The following ARHGEF6 variants were observed in gnomAD, a reference collection of about 807,000 sequenced individuals.
The protein encoded by ARHGEF6 is rho guanine nucleotide exchange factor 6.
A neutral mutation model predicts 70.3 loss-of-function variants in ARHGEF6; 9 were observed. The observed-to-expected ratio is 0.13, with a 90% confidence interval of 0.08 to 0.22. ARHGEF6 has a LOEUF of 0.22. Among genes scored for constraint, ARHGEF6 ranks in the 10% least tolerant of loss-of-function variants. The pLI, the probability that ARHGEF6 is intolerant of heterozygous loss-of-function variation, is 1.00. For missense variants in ARHGEF6, 470 were observed against 563.0 expected, an observed-to-expected ratio of 0.83 and a Z score of 1.67; for synonymous variants, 201 against 207.8, an observed-to-expected ratio of 0.97 and a Z score of 0.28.
Position 136,741,525 on chromosome X carries a change from CT to C in ARHGEF6, c.661+2059del, listed in dbSNP as rs151204948. On this transcript the variant is annotated intron_variant, in intron 5 of 21. Transcript: ENST00000250617. ...AAAAGTTATACATGGATTTTCTTTTCTTTTTTTTTTTTTGTGTGTGTGTGTG... is the reference window on the plus strand; with the variant it reads ...AAAAGTTATACATGGATTTTCTTTTCTTTTTTTTTTTTGTGTGTGTGTGTG... Among the ~76,000 whole-genome samples the C allele has an allele frequency of 2.9e-3, 281 of 96,185 alleles. 1 individual carries two copies. The highest frequency in any genetic ancestry group is 9.7e-3 in the South Asian group (21 of 2,173). The allele number at this position is 96,185 out of a possible 115,157, so 83.5% of individuals were successfully genotyped here.
chrX:136,668,213 C>T, intron 21 of ARHGEF6, 44 bp from the exon 22 acceptor site: 1 of 1,201,567 alleles, frequency 8.3e-7, no homozygotes, highest in Non-Finnish European at 1.1e-6. Context: ...AGAGGGGGGC[C>T]CTTCCAAGGG....
chrX:136,670,967 G>A (rs1382258997), intron 20 of ARHGEF6, among the ~76,000 whole-genome samples: 2 of 112,064 alleles, frequency 1.8e-5, no homozygotes, highest in South Asian at 3.8e-4. Context: ...CTGGGAACCA[G>A]TTTCCTTCTC....
Position 136,665,835 on chromosome X carries a change from C to T in ARHGEF6, c.*2194G>A, listed in dbSNP as rs1420588738. ...CATGGTTACCACTCTGCACAAGCTT[C>T]GTTATCCAGAGTACCGAGGGCCCCT... On this transcript the variant is annotated 3_prime_UTR_variant, in exon 22 of 22. Coordinates refer to ENST00000250617, the MANE Select transcript of ARHGEF6 (RefSeq NM_004840.3). The T allele has an allele frequency of 8.9e-6, 1 of 112,259 alleles. No individual in the cohort carries two copies. The highest frequency in any genetic ancestry group is 1.9e-5 in the Non-Finnish European group (1 of 53,185). 9.3% of individuals were successfully genotyped at this position (112,259 alleles called of 1,213,427 possible).
chrX:136,763,482 T>C (rs1166216742), intron 2 of ARHGEF6, among the ~76,000 whole-genome samples: 1 of 112,037 alleles, frequency 8.9e-6, no homozygotes, highest in East Asian at 2.8e-4. Flanking sequence ...AACAAACCCT[T>C]CCTAAGCACT....
intron 9 of ARHGEF6, among the ~76,000 whole-genome samples, chrX:136,696,460 T>C (rs2076511720): frequency 9.1e-6 from 1 of 109,501 alleles, no homozygotes. Flanking sequence ...CTCTATAATT[T>C]TTTTATAATT....
intron 2 of ARHGEF6, among the ~76,000 whole-genome samples, chrX:136,766,769 T>C (rs1352596863): frequency 1.8e-5 from 2 of 112,592 alleles, no homozygotes; most frequent in Non-Finnish European, 3.8e-5. Context: ...GCAGAAAACA[T>C]CTCCAAATGT....
intron 6 of ARHGEF6, among the ~76,000 whole-genome samples, chrX:136,714,184 A>C (rs980374365): frequency 9.8e-5 from 11 of 111,685 alleles, no homozygotes; most frequent in Admixed American, 3.8e-4. Flanking sequence ...TAGGCAAAAC[A>C]ACCAATATGG....
intron 5 of ARHGEF6, among the ~76,000 whole-genome samples, chrX:136,739,895 G>A (rs1408026032): frequency 4.5e-5 from 5 of 112,036 alleles, no homozygotes; most frequent in African/African-American, 1.6e-4. Flanking sequence ...AGAGATCAGA[G>A]AGGAAGCCAA....
chrX:136,670,423 T>G (rs2076212815), intron 20 of ARHGEF6, among the ~76,000 whole-genome samples: 1 of 111,671 alleles, frequency 9.0e-6, no homozygotes, highest in African/African-American at 3.3e-5. Context: ...GAATATCTTT[T>G]TGATCTGGGG....
chrX:136,744,081 C>T (rs767657783), intron 4 of ARHGEF6, among the ~76,000 whole-genome samples: 7 of 111,549 alleles, frequency 6.3e-5, no homozygotes, highest in South Asian at 3.8e-4. Context: ...TTTAACTAAG[C>T]CAGATAACAA....
chrX:136,741,288 C>T (rs770780866), intron 5 of ARHGEF6, among the ~76,000 whole-genome samples: 17 of 111,480 alleles, frequency 1.5e-4, no homozygotes, highest in African/African-American at 5.2e-4. Context: ...CCCATTTATA[C>T]GTGAAGACAA....
intron 7 of ARHGEF6, among the ~76,000 whole-genome samples, chrX:136,710,252 C>T (rs929806068): frequency 5.9e-5 from 6 of 101,193 alleles, no homozygotes; most frequent in Admixed American, 5.5e-4. Context: ...TGCAGTGAGC[C>T]GAGATCTCAC....
At chrX:136,678,160 A>G (rs2076298672) in intron 16 of ARHGEF6, among the ~76,000 whole-genome samples, 1 of 112,036 alleles carries the variant, frequency 8.9e-6, no homozygotes, top group African/African-American at 3.2e-5. Flanking sequence ...AGTTCTGTGC[A>G]GAATAACAAA....
intron 20 of ARHGEF6, among the ~76,000 whole-genome samples, chrX:136,670,927 T>G (rs1274287525): frequency 1.8e-5 from 2 of 112,080 alleles, no homozygotes; most frequent in Non-Finnish European, 3.8e-5. Context: ...GTTTTGGTTC[T>G]GATCCTGCCA....
intron 7 of ARHGEF6, among the ~76,000 whole-genome samples, chrX:136,710,247 T>C (rs922494875): frequency 9.6e-6 from 1 of 103,794 alleles, no homozygotes. Context: ...GAGGTTGCAG[T>C]GAGCCGAGAT....
chrX:136,774,722 G>T, intron 2 of ARHGEF6, among the ~76,000 whole-genome samples: 1 of 105,200 alleles, frequency 9.5e-6, no homozygotes, highest in Non-Finnish European at 2.0e-5. Flanking sequence ...AAAATTTCCT[G>T]AAGAGTCTGG....
intron 15 of ARHGEF6, 132 bp downstream of exon 15, chrX:136,680,599 T>A: frequency 1.3e-6 from 1 of 748,860 alleles, no homozygotes; most frequent in Non-Finnish European, 2.1e-6. Flanking sequence ...GAGGTTTAAC[T>A]GTACTTCAAA....
intron 14 of ARHGEF6, 55 bp from the exon 15 acceptor site, chrX:136,680,931 C>CT: frequency 8.5e-7 from 1 of 1,179,647 alleles, no homozygotes. Context: ...AAAACTTGAG[C>CT]TTGTCCCATT....
chrX:136,726,939 A>C (rs2076859209), intron 6 of ARHGEF6, among the ~76,000 whole-genome samples: 2 of 112,381 alleles, frequency 1.8e-5, no homozygotes, highest in South Asian at 3.7e-4. Flanking sequence ...CTTACAAGGG[A>C]TATTTGGATG....
Sources: gnomAD v4.1 joint callset for allele counts (sites outside exome capture counted in the v4.1 genomes callset) on GRCh38, gnomAD v4.1.1 for gene constraint, MANE v1.5 for transcripts, NCBI Gene and HGNC (gene_info 2026-07-23, HGNC 2026-07-21) for gene names.